The following EIF4G3 variants were observed in gnomAD, a reference collection of about 807,000 sequenced individuals.
The protein encoded by EIF4G3 is eukaryotic translation initiation factor 4 gamma 3, also known as eIF-4-gamma 3.
EIF4G3 carries 34 observed loss-of-function variants against 186.4 expected under a neutral mutation model. That is an observed-to-expected ratio of 0.18 (90% confidence interval 0.14 to 0.24). The LOEUF (loss-of-function observed/expected upper bound fraction) is 0.24. EIF4G3 is among the 10% of genes least tolerant of loss of function. The pLI is 1.00. For synonymous variants in EIF4G3, 673 were observed against 679.5 expected (o/e 0.99, Z 0.15); for missense variants, 1,536 against 1,948.5 (o/e 0.79, Z 3.99).
intron 3 of EIF4G3, among the ~76,000 whole-genome samples, chr1:21,066,072 G>A (rs2095225676): frequency 6.6e-6 from 1 of 151,986 alleles, no homozygotes; most frequent in Non-Finnish European, 1.5e-5. Context: ...GTGGGAGAGG[G>A]CCAACTGAGC....
chr1:21,023,820 T>A (rs1239274731), intron 4 of EIF4G3, among the ~76,000 whole-genome samples: 1 of 142,580 alleles, frequency 7.0e-6, no homozygotes, highest in African/African-American at 2.7e-5. Flanking sequence ...GAGGAGCGCC[T>A]CTTCCCGGCC....
chr1:21,170,468 C>T (rs915049843), intron 2 of EIF4G3, among the ~76,000 whole-genome samples: 1 of 151,820 alleles, frequency 6.6e-6, no homozygotes, highest in African/African-American at 2.4e-5. Context: ...GTCAGGAGTT[C>T]GAGAACAGCC....
intron 10 of EIF4G3, among the ~76,000 whole-genome samples, chr1:20,975,235 T>C (rs918618485): frequency 4.6e-5 from 7 of 152,198 alleles, no homozygotes; most frequent in African/African-American, 1.7e-4. Context: ...TACTTTATTA[T>C]GTCACTGGCT....
rs1180614823 is a variant in EIF4G3, at chr1:20,864,646, T to C, written c.2836A>G (p.Ile946Val). 1 of 1,614,216 alleles carries C rather than the reference T, an allele frequency of 6.2e-7. No homozygotes were observed. The highest frequency in any genetic ancestry group is 1.3e-5 in the African/African-American group (1 of 75,054). ...TCTCCAATAAACTTGATGTTGCCAA[T>C]GGATCTCCGCCGGGCTTTGTCCTTG... ...EAKDKARRRSIGNIKFIGELF... is the reference protein window; with the variant it reads ...EAKDKARRRSVGNIKFIGELF... Residue 946 changes from isoleucine to valine, a missense_variant, in exon 22 of 37, where the codon ATT becomes GTT. Ile to Val is a conservative substitution (Grantham distance 29, BLOSUM62 3). Around this residue, in one of 11 missense-constraint regions of EIF4G3, gnomAD observed 77 missense variants for 131.6 expected, o/e 0.59. Coordinates refer to ENST00000602326, the MANE Select transcript of EIF4G3 (RefSeq NM_001391906.1).
intron 14 of EIF4G3, among the ~76,000 whole-genome samples, chr1:20,932,351 T>C (rs2095349244): frequency 6.6e-6 from 1 of 152,200 alleles, no homozygotes; most frequent in Non-Finnish European, 1.5e-5. Context: ...TTTTGTATCA[T>C]TTGTGTGATC....
chr1:20,857,175 A>AAAAAAAAAAAAAAG (rs1184221597), intron 25 of EIF4G3, among the ~76,000 whole-genome samples: 1 of 150,488 alleles, frequency 6.6e-6, no homozygotes, highest in Non-Finnish European at 1.5e-5. Flanking sequence ...AAAAAAAAAA[A>AAAAAAAAAAAAAAG]AAAAGAAAAT....
intron 26 of EIF4G3, among the ~76,000 whole-genome samples, chr1:20,854,444 C>T (rs186296112): frequency 6.6e-6 from 1 of 151,578 alleles, no homozygotes; most frequent in East Asian, 1.9e-4. Flanking sequence ...ACTGTAATCC[C>T]AGCACGCAGG....
chr1:21,052,856 G>T (rs374380827), intron 3 of EIF4G3, among the ~76,000 whole-genome samples: 4,158 of 151,988 alleles, frequency 0.027, 66 homozygotes, highest in East Asian at 0.13. Flanking sequence ...GTGCCGGGAT[G>T]GCAGACGGAG....
At chr1:20,891,764 T>C (rs2086161192) in intron 18 of EIF4G3, among the ~76,000 whole-genome samples, 1 of 149,102 alleles carries the variant, frequency 6.7e-6, no homozygotes, top group East Asian at 2.0e-4. Flanking sequence ...CGCTCCAGCC[T>C]GGGCGACAGA....
chr1:21,033,838 A>T (rs2092953518), intron 4 of EIF4G3, among the ~76,000 whole-genome samples: 1 of 152,224 alleles, frequency 6.6e-6, no homozygotes. Context: ...CTGTAATCCC[A>T]GCGCTTCAGG....
At chr1:20,885,831 G>T (rs182215307) in intron 19 of EIF4G3, among the ~76,000 whole-genome samples, 1 of 152,272 alleles carries the variant, frequency 6.6e-6, no homozygotes, top group Admixed American at 6.5e-5. Flanking sequence ...TATTGGCAAT[G>T]AAGGCCTGAC....
intron 13 of EIF4G3, among the ~76,000 whole-genome samples, chr1:20,946,345 GTTCT>G (rs1222647025): frequency 6.6e-6 from 1 of 152,152 alleles, no homozygotes; most frequent in Non-Finnish European, 1.5e-5. Context: ...TGGATTTAAT[GTTCT>G]TTCTCACTCA....
chr1:21,029,726 G>A (rs904278181), intron 4 of EIF4G3, among the ~76,000 whole-genome samples: 3 of 152,150 alleles, frequency 2.0e-5, no homozygotes, highest in African/African-American at 7.2e-5. Flanking sequence ...GGCAGAAAGG[G>A]GCTGCCATCT....
chr1:20,857,310 T>G (rs2075255118), intron 25 of EIF4G3, 93 bp downstream of exon 25: 5 of 1,043,728 alleles, frequency 4.8e-6, no homozygotes, highest in South Asian at 1.4e-5. Flanking sequence ...GAGACACGTT[T>G]TGCAACTATT....
intron 2 of EIF4G3, among the ~76,000 whole-genome samples, chr1:21,151,236 C>CTTTTT (rs71014161): frequency 0.2 from 15,821 of 80,056 alleles, 4,449 homozygotes; most frequent in African/African-American, 0.37. Context: ...GTATTTCTTT[C>CTTTTT]TTTTTTTTTT....
rs568335900 is a variant in EIF4G3 at position 20,893,571 on chromosome 1, A to T, written c.2199T>A (p.Phe733Leu). The T allele has an allele frequency of 6.2e-7, 1 of 1,600,668 alleles. No homozygotes were observed. Among genetic ancestry groups the T allele is most frequent in the Non-Finnish European group, 8.5e-7 (1 of 1,170,142 alleles). The stretch of plus-strand genomic sequence containing the variant: ...TTCCAAAATCAGCAAAGGCTGGTGT[A>T]AAGTCTGGTCCTCGAGGCAAAATTC... ...DPRILPRGPD[F>L]TPAFADFGRQ... Residue 733 changes from phenylalanine to leucine, a missense_variant, in exon 18 of 37, where the codon TTT (phenylalanine) becomes TTA (leucine). Physicochemically the swap from Phe to Leu is conservative, Grantham distance 22. Transcript: ENST00000602326.
At chr1:21,164,083 TTTC>T (rs1279565873) in intron 2 of EIF4G3, among the ~76,000 whole-genome samples, 3 of 152,140 alleles carry the variant, frequency 2.0e-5, no homozygotes, top group Admixed American at 6.6e-5. Flanking sequence ...TCCAATTTTG[TTTC>T]TTTATAATAA....
At chr1:20,916,495 T>C (rs557998995) in intron 14 of EIF4G3, among the ~76,000 whole-genome samples, 9 of 151,854 alleles carry the variant, frequency 5.9e-5, no homozygotes, top group African/African-American at 9.7e-5. Context: ...AAATATACCA[T>C]GTTCATGGGT....
At chr1:20,977,219 C>T (rs1464371406) in intron 10 of EIF4G3, among the ~76,000 whole-genome samples, 1 of 151,532 alleles carries the variant, frequency 6.6e-6, no homozygotes, top group Non-Finnish European at 1.5e-5. Flanking sequence ...TGGAGTCTCG[C>T]TCTGTCACCC....
Sources: allele counts gnomAD v4.1 joint callset (sites outside exome capture counted in the v4.1 genomes callset), GRCh38; gene constraint gnomAD v4.1.1; regional missense constraint gnomAD v4.1.1; transcripts MANE v1.5; gene names NCBI Gene and HGNC (gene_info 2026-07-23, HGNC 2026-07-21).